Variants in RANBP9 observed in about 807,000 individuals in gnomAD.
RANBP9 encodes the protein ran-binding protein 9.
Under a neutral mutation model 84.3 loss-of-function variants are expected in RANBP9, and 15 were observed. That is an observed-to-expected ratio of 0.18 (90% CI 0.12 to 0.27). RANBP9 has a LOEUF of 0.27. Among genes scored for constraint, RANBP9 ranks in the 10% least tolerant of loss-of-function variants. The pLI is 1.00. For missense variants in RANBP9, 809 were observed against 912.8 expected (o/e 0.89, Z 1.46); for synonymous variants, 392 against 349.6 (o/e 1.12, Z -1.35).
At chr6:13,674,083 CAAA>C (rs35496559) in intron 2 of RANBP9, among the ~76,000 whole-genome samples, 6 of 94,534 alleles carry the variant, frequency 6.3e-5, no homozygotes, top group Admixed American at 1.1e-4. Context: ...GACCTTGTCT[CAAA>C]AAAAAAAAAA....
chr6:13,679,208 T>A (rs913961944), intron 2 of RANBP9, among the ~76,000 whole-genome samples: 2 of 152,208 alleles, frequency 1.3e-5, no homozygotes, highest in African/African-American at 4.8e-5. Context: ...AAGTTCACAA[T>A]AATATACACC....
chr6:13,647,134 G>A (rs894594048), intron 5 of RANBP9, among the ~76,000 whole-genome samples: 1 of 152,120 alleles, frequency 6.6e-6, no homozygotes, highest in African/African-American at 2.4e-5. Flanking sequence ...TATTAAAATT[G>A]ACCAAGTAAT....
intron 2 of RANBP9, among the ~76,000 whole-genome samples, chr6:13,682,229 T>A (rs1766060593): frequency 6.6e-6 from 1 of 152,068 alleles, no homozygotes; most frequent in Non-Finnish European, 1.5e-5. Context: ...AACAAAAATT[T>A]AAAAATCAGT....
At chr6:13,693,033 T>C (rs928737993) in intron 2 of RANBP9, among the ~76,000 whole-genome samples, 5 of 152,136 alleles carry the variant, frequency 3.3e-5, no homozygotes, top group Non-Finnish European at 5.9e-5. Flanking sequence ...AAGCAGACAA[T>C]TGAAACAATA....
chr6:13,622,393 G>A lies in RANBP9; in HGVS notation c.2159C>T (p.Ala720Val). 1.3e-6 allele frequency: 2 copies of A among 1,599,774 alleles called. No homozygotes were observed. Among genetic ancestry groups the A allele is most frequent in the East Asian group, 2.3e-5 (1 of 44,394 alleles). ...TAGGTAGTCTTCCACTGTGGCAAATGCGCAGGATCCAATTCCTGATCGAGC... is the reference window on the plus strand; with the variant it reads ...TAGGTAGTCTTCCACTGTGGCAAATACGCAGGATCCAATTCCTGATCGAGC... ...LMARSGIGSC[A>V]FATVEDYLH The change falls in exon 14 of 14, where the codon GCA becomes GTA. Residue 720 changes from alanine (A) to valine (V), a missense_variant. Ala to Val is a moderately conservative substitution (Grantham distance 64). Around this residue, in one of 5 missense-constraint regions of RANBP9, gnomAD observed 233 missense variants for 234.4 expected, o/e 0.99. Transcript: ENST00000011619.
chr6:13,707,047 A>AT (rs879871575), intron 1 of RANBP9, among the ~76,000 whole-genome samples: 63 of 145,942 alleles, frequency 4.3e-4, no homozygotes, highest in African/African-American at 1.3e-3. Flanking sequence ...TTATTTACTT[A>AT]TTTTTTTTTT....
chr6:13,700,433 T>C (rs1245606644), intron 1 of RANBP9, among the ~76,000 whole-genome samples: 1 of 152,188 alleles, frequency 6.6e-6, no homozygotes, highest in Non-Finnish European at 1.5e-5. Flanking sequence ...TTCTTCACAT[T>C]GATCAGGCCA....
At chr6:13,672,960 GAAGA>G (rs1478873547) in intron 2 of RANBP9, among the ~76,000 whole-genome samples, 1 of 151,974 alleles carries the variant, frequency 6.6e-6, no homozygotes, top group Non-Finnish European at 1.5e-5. Context: ...GCTAGAAGGA[GAAGA>G]AACAAAGAAA....
intron 12 of RANBP9, 50 bp from the exon 13 acceptor site, chr6:13,625,814 T>C: frequency 7.8e-7 from 1 of 1,286,008 alleles, no homozygotes; most frequent in East Asian, 2.3e-5. Context: ...TCAACTATTA[T>C]GCTCACAAAT....
chr6:13,630,964 C>G (rs1261237731), intron 12 of RANBP9, among the ~76,000 whole-genome samples: 1 of 152,080 alleles, frequency 6.6e-6, no homozygotes, highest in Non-Finnish European at 1.5e-5. Flanking sequence ...CGCCCGCCAC[C>G]AGGCCCAGCT....
chr6:13,671,961 A>G (rs1238683325), intron 2 of RANBP9, among the ~76,000 whole-genome samples: 2 of 152,194 alleles, frequency 1.3e-5, no homozygotes, highest in Non-Finnish European at 2.9e-5. Context: ...GAAAAACTGA[A>G]GAAACATGTG....
intron 2 of RANBP9, among the ~76,000 whole-genome samples, chr6:13,678,276 G>A (rs540376040): frequency 5.3e-4 from 80 of 152,320 alleles, no homozygotes; most frequent in Non-Finnish European, 6.6e-4. Flanking sequence ...AGCAATTGTT[G>A]AGAAAGCTAT....
intron 4 of RANBP9, among the ~76,000 whole-genome samples, chr6:13,653,450 T>G (rs1765338108): frequency 6.6e-6 from 1 of 152,188 alleles, no homozygotes; most frequent in Admixed American, 6.5e-5. Context: ...AGATATATTT[T>G]TAAAGATTTA....
Position 13,622,244 on chromosome 6 carries a change from G to T in RANBP9, c.*118C>A. On this transcript the variant is annotated 3_prime_UTR_variant, in exon 14 of 14. Transcript: ENST00000011619. ...TGTAAACTAGGAAGCAATGTAAAGC[G>T]ACAAAAACCTGTCCCCAGTACATAA... 2 of 1,094,616 alleles carry T rather than the reference G, an allele frequency of 1.8e-6. No individual in the cohort carries two copies. The highest frequency in any genetic ancestry group is 1.2e-6 in the Non-Finnish European group (1 of 833,678). 67.8% of individuals were successfully genotyped at this position (1,094,616 alleles called of 1,614,324 possible). A position where few individuals can be genotyped will look rare whatever the true frequency, so the allele number is the denominator to read the frequency against.
At chr6:13,634,919 C>T (rs1764898594) in intron 10 of RANBP9, among the ~76,000 whole-genome samples, 1 of 152,176 alleles carries the variant, frequency 6.6e-6, no homozygotes, top group Non-Finnish European at 1.5e-5. Flanking sequence ...CAGCCCTCTC[C>T]CCCTACCCCC....
chr6:13,666,124 CCA>C (rs144987300), intron 2 of RANBP9, among the ~76,000 whole-genome samples: 8 of 151,214 alleles, frequency 5.3e-5, no homozygotes, highest in Admixed American at 4.6e-4. Context: ...GTAAACTGTA[CCA>C]CACACACACA....
At chr6:13,671,709 A>T (rs1249247814) in intron 2 of RANBP9, among the ~76,000 whole-genome samples, 1 of 152,150 alleles carries the variant, frequency 6.6e-6, no homozygotes. Flanking sequence ...GGGTTGCATA[A>T]CTCTGTGAAT....
At chr6:13,691,925 C>G (rs575752365) in intron 2 of RANBP9, among the ~76,000 whole-genome samples, 3 of 152,102 alleles carry the variant, frequency 2.0e-5, no homozygotes, top group African/African-American at 4.8e-5. Flanking sequence ...ATCAGCCTCT[C>G]AAAGTGCTAA....
At chr6:13,633,317 A>G (rs1764843677) in intron 11 of RANBP9, among the ~76,000 whole-genome samples, 1 of 152,236 alleles carries the variant, frequency 6.6e-6, no homozygotes, top group Admixed American at 6.5e-5. Context: ...TACAGGCGTG[A>G]GCCACCATGC....
Sources: allele counts gnomAD v4.1 joint callset (sites outside exome capture counted in the v4.1 genomes callset), GRCh38; gene constraint gnomAD v4.1.1; regional missense constraint gnomAD v4.1.1; transcripts MANE v1.5; gene names NCBI Gene and HGNC (gene_info 2026-07-23, HGNC 2026-07-21).